Variants in RPS6KA4 observed in about 807,000 individuals in gnomAD.
RPS6KA4 encodes ribosomal protein S6 kinase alpha-4.
In RPS6KA4, 38 loss-of-function variants were observed where a neutral mutation model predicts 89.6. The observed-to-expected ratio is 0.42, with a 90% confidence interval of 0.33 to 0.56. The LOEUF is 0.56. Among genes scored for constraint, RPS6KA4 ranks in the 20% least tolerant of loss-of-function variants. RPS6KA4 has a pLI of 0.07. For synonymous variants in RPS6KA4, 495 were observed against 492.8 expected (o/e 1.00, Z -0.06); for missense variants, 873 against 1,098.8 (o/e 0.79, Z 2.90).
intron 9 of RPS6KA4, among the ~76,000 whole-genome samples, chr11:64,366,044 A>C (rs72926006): frequency 0.29 from 44,665 of 151,666 alleles, 7,762 homozygotes; most frequent in Non-Finnish European, 0.38. Flanking sequence ...GTCTCAAAAA[A>C]AAAAAAAAAG....
At chr11:64,360,689 CTT>C in intron 4 of RPS6KA4, 97 bp downstream of exon 4, 2 of 1,058,534 alleles carry the variant, frequency 1.9e-6, no homozygotes, top group South Asian at 1.5e-5. Flanking sequence ...TCCCCCTGGG[CTT>C]CCTGGGGGGC....
At position 64,361,306 on chromosome 11, in the gene RPS6KA4, C is replaced by T; in HGVS notation, c.570+65C>T. ...TCCTTCTCCTTCCTGCCTCTTCCTG[C>T]TCTGGGCCTGCATTCTGGGGCTGCA... On this transcript the variant is annotated intron_variant, in intron 5 of 16. Coordinates refer to ENST00000334205, the MANE Select transcript of RPS6KA4 (RefSeq NM_003942.3). The surrounding 1 kb of genome is among the most constrained non-coding windows in gnomAD (Gnocchi z 4.7). The T allele has an allele frequency of 6.6e-7, 1 of 1,509,272 alleles. No individual in the cohort carries two copies. The highest frequency in any genetic ancestry group is 1.1e-5 in the South Asian group (1 of 87,418). The allele number at this position is 1,509,272 out of a possible 1,614,324, so 93.5% of individuals were successfully genotyped here.
rs1231735038 is a variant in RPS6KA4, at chr11:64,369,433, A to C, written c.1429-13A>C. The C allele has an allele frequency of 6.3e-7, 1 of 1,580,110 alleles. No individual in the cohort carries two copies. The highest frequency in any genetic ancestry group is 1.1e-5 in the South Asian group (1 of 88,554). ...GGGTGGGTGTTGACCTTGGCCCGCC[A>C]CGCCGCCCGCAGCTGCACACGTACC... On this transcript the variant is annotated splice_polypyrimidine_tract_variant and intron_variant, in intron 12 of 16. Coordinates refer to ENST00000334205, the MANE Select transcript of RPS6KA4 (RefSeq NM_003942.3).
rs760389975 is a variant in RPS6KA4 at position 64,365,337 on chromosome 11, C to T, written c.943C>T (p.Pro315Ser). The change falls in exon 9 of 17, where the codon CCA becomes TCA. Residue 315 changes from proline (P) to serine (S), a missense_variant. This residue lies in a region of RPS6KA4 where 542 missense variants were observed against 736.4 expected (regional missense o/e 0.74). Transcript: ENST00000334205. ...GGTGGCTCTGGCTGCCAGGAAGATT[C>T]CAGCCCCATTCCGGCCCCAAATCCG... ...DWVALAARKI[P>S]APFRPQIRSE... 1 of 1,614,032 alleles carries T rather than the reference C, an allele frequency of 6.2e-7. No individual in the cohort carries two copies. The highest frequency in any genetic ancestry group is 2.2e-5 in the East Asian group (1 of 44,888).
Position 64,370,661 on chromosome 11 carries a change from C to A in RPS6KA4, c.2056C>A (p.Arg686=). The part of the protein sequence containing the change: ...DGSARSSPPL[R]TPDVLESSGP... ...CAGCGCGCGCTCCTCGCCCCCGCTC[C>A]GGACGCCCGACGTGCTCGAGTCCTC... Residue 686 remains arginine, a synonymous_variant, in exon 16 of 17, where the codon CGG becomes AGG. Transcript: ENST00000334205. The surrounding 1 kb of genome is among the most constrained non-coding windows in gnomAD (Gnocchi z 4.1). 3.8e-6 allele frequency: 6 copies of A among 1,571,618 alleles called. No individual in the cohort carries two copies. The highest frequency in any genetic ancestry group is 5.1e-6 in the Non-Finnish European group (6 of 1,165,396).
chr11:64,368,622 G>A, intron 11 of RPS6KA4, 21 bp downstream of exon 11: 1 of 1,588,584 alleles, frequency 6.3e-7, no homozygotes. Flanking sequence ...CCAGGCGCGG[G>A]CAGGGGTGGG....
At position 64,369,300 on chromosome 11, in the gene RPS6KA4, C is replaced by CAAAGAAAG. The variant is rs59909471; in HGVS notation, c.1429-134_1429-127dup. Reference sequence around the variant, plus strand: ...AGCGAGACTGTCTCCAAAAAAGTAACAAAGAAAGAAAGAAAGAAAAAGGAC... The same window carrying CAAAGAAAG: ...AGCGAGACTGTCTCCAAAAAAGTAACAAAGAAAGAAAGAAAGAAAGAAAGAAAAAGGAC... On this transcript the variant is annotated intron_variant, in intron 12 of 16. Transcript: ENST00000334205. 325 of 748,692 alleles carry CAAAGAAAG rather than the reference C, an allele frequency of 4.3e-4. 2 individuals carry two copies. The highest frequency in any genetic ancestry group is 1.4e-3 in the African/African-American group (74 of 54,294). 46.4% of individuals were successfully genotyped at this position (748,692 alleles called of 1,614,324 possible). A position where few individuals can be genotyped will look rare whatever the true frequency, so the allele number is the denominator to read the frequency against.
rs1565075335 is a variant in RPS6KA4 at position 64,370,750 on chromosome 11, G to A, written c.2121+24G>A. The A allele has an allele frequency of 6.6e-7, 1 of 1,506,662 alleles. No homozygotes were observed. Among genetic ancestry groups the A allele is most frequent in the Non-Finnish European group, 8.9e-7 (1 of 1,127,468 alleles). The allele number at this position is 1,506,662 out of a possible 1,614,324, so 93.3% of individuals were successfully genotyped here. A position where few individuals can be genotyped will look rare whatever the true frequency, so the allele number is the denominator to read the frequency against. ...TGGTAAGGGGCAGGGTCTGTTGAAG[G>A]GAAGGGGTGGGCGAAGCCTCGAGAG... is the stretch of plus-strand genomic sequence containing the variant. On this transcript the variant is annotated intron_variant, in intron 16 of 16. Transcript: ENST00000334205. The surrounding 1 kb of genome is among the most constrained non-coding windows in gnomAD (Gnocchi z 4.1).
In RPS6KA4 at chr11:64,361,235, G is replaced by A. The variant is rs780172527; in HGVS notation, c.564G>A (p.Thr188=). 7 of 1,613,060 alleles carry A rather than the reference G, an allele frequency of 4.3e-6. No individual in the cohort carries two copies. Among genetic ancestry groups the A allele is most frequent in the Non-Finnish European group, 4.2e-6 (5 of 1,179,752 alleles). Residue 188 remains threonine, a synonymous_variant, in exon 5 of 17, where the codon ACG becomes ACA. Transcript: ENST00000334205. This position sits in a 1 kb window ranked among gnomAD's most constrained non-coding sequence, Gnocchi z 4.7. ...TCGGGCTGAGCAAGGAGTTCCTGACGGAGGAGGTGAGTGGAGGCCACCTCT... is the reference window on the plus strand; with the variant it reads ...TCGGGCTGAGCAAGGAGTTCCTGACAGAGGAGGTGAGTGGAGGCCACCTCT... ...TDFGLSKEFL[T]EEKERTFSFC... is the part of the protein sequence containing the mutation.
Position 64,361,871 on chromosome 11 carries a change from C to T in RPS6KA4, c.775C>T (p.Pro259Ser). ...EVSRRILKCS[P>S]PFPPRIGPVA... The stretch of plus-strand genomic sequence containing the variant: ...TCCCAGACGGATCCTGAAGTGCTCC[C>T]CTCCCTTCCCCCCTCGGATCGGGCC... The change falls in exon 8 of 17, where the codon CCT becomes TCT. Residue 259 changes from proline (P) to serine (S), a missense_variant. By Grantham distance (74) the Pro-to-Ser change is moderately conservative (BLOSUM62 -1). Transcript: ENST00000334205. The surrounding 1 kb of genome is among the most constrained non-coding windows in gnomAD (Gnocchi z 4.7). 3.7e-6 allele frequency: 6 copies of T among 1,612,802 alleles called. No homozygotes were observed. Among genetic ancestry groups the T allele is most frequent in the Non-Finnish European group, 5.1e-6 (6 of 1,179,836 alleles).
intron 4 of RPS6KA4, 91 bp downstream of exon 4, chr11:64,360,683 C>A: frequency 9.2e-7 from 1 of 1,090,292 alleles, no homozygotes; most frequent in Non-Finnish European, 1.3e-6. Flanking sequence ...CAGGCTTCCC[C>A]CTGGGCTTCC....
intron 11 of RPS6KA4, 42 bp downstream of exon 11, chr11:64,368,643 C>T (rs747721768): frequency 5.1e-6 from 8 of 1,577,700 alleles, no homozygotes; most frequent in Middle Eastern, 1.8e-4. Context: ...GGTGGCAGAG[C>T]GCTGTCCCGG....
At position 64,361,946 on chromosome 11, in the gene RPS6KA4, C is replaced by A; in HGVS notation, c.850C>A (p.Arg284=). 1 of 1,610,424 alleles carries A rather than the reference C, an allele frequency of 6.2e-7. No homozygotes were observed. Among genetic ancestry groups the A allele is most frequent in the Non-Finnish European group, 8.5e-7 (1 of 1,179,012 alleles). The change falls in exon 8 of 17, where the codon CGA becomes AGA. Residue 284 remains arginine (R), a synonymous_variant. Transcript: ENST00000334205. This position sits in a 1 kb window ranked among gnomAD's most constrained non-coding sequence, Gnocchi z 4.7. ...GCTGCTTTGTAAGGATCCTAAGAAG[C>A]GATTGGGCGCGGGGCCCCAGGGGGC... The part of the protein sequence containing the change: ...QRLLCKDPKK[R]LGAGPQGAQE...
intron 9 of RPS6KA4, among the ~76,000 whole-genome samples, chr11:64,366,261 C>T (rs371969717): frequency 5.3e-5 from 8 of 151,824 alleles, no homozygotes; most frequent in African/African-American, 1.7e-4. Flanking sequence ...ATCTCTGCCT[C>T]ACGGGTTCAA....
In RPS6KA4 at chr11:64,365,376, G is replaced by C. The variant is rs2036853481; in HGVS notation, c.982G>C (p.Val328Leu). ...GCCCCAAATCCGCTCAGAGCTGGAT[G>C]TGGGCAACTTTGCGGAGGAATTCAC... ...FRPQIRSELD[V>L]GNFAEEFTRL... The change falls in exon 9 of 17, where the codon GTG (valine) becomes CTG (leucine). Residue 328 changes from valine (V) to leucine (L), a missense_variant. Val to Leu is a conservative substitution (Grantham distance 32, BLOSUM62 1). Coordinates refer to ENST00000334205, the MANE Select transcript of RPS6KA4 (RefSeq NM_003942.3). 1 of 1,614,016 alleles carries C rather than the reference G, an allele frequency of 6.2e-7. No individual in the cohort carries two copies. The highest frequency in any genetic ancestry group is 8.5e-7 in the Non-Finnish European group (1 of 1,180,024).
At chr11:64,362,138 A>C in intron 8 of RPS6KA4, 136 bp downstream of exon 8, 3 of 1,081,582 alleles carry the variant, frequency 2.8e-6, no homozygotes, top group Non-Finnish European at 3.9e-6. Flanking sequence ...TGTGTCAGCT[A>C]GGTTTCTCTT....
In RPS6KA4 at chr11:64,368,566, C is replaced by A; in HGVS notation, c.1299C>A (p.Ser433Arg). The A allele has an allele frequency of 6.3e-7, 1 of 1,598,568 alleles. No individual in the cohort carries two copies. The highest frequency in any genetic ancestry group is 1.1e-5 in the South Asian group (1 of 88,634). The change falls in exon 11 of 17, where the codon AGC (serine) becomes AGA (arginine). Residue 433 changes from serine (S) to arginine (R), a missense_variant. Around this residue, in one of 4 missense-constraint regions of RPS6KA4, gnomAD observed 542 missense variants for 736.4 expected, o/e 0.74. Coordinates refer to ENST00000334205, the MANE Select transcript of RPS6KA4 (RefSeq NM_003942.3). ...GTCGCCGCTGCCGCCAGCGCCAGAG[C>A]GGCCAGGAGTTCGCAGTCAAGATCC... ...SVCRRCRQRQ[S>R]GQEFAVKILS...
At position 64,371,540 on chromosome 11, in the gene RPS6KA4, C is replaced by T. The variant is rs2037077992; in HGVS notation, c.*60C>T. The T allele has an allele frequency of 7.2e-6, 5 of 694,450 alleles. No homozygotes were observed. The highest frequency in any genetic ancestry group is 3.6e-5 in the South Asian group (2 of 54,888). 43.0% of individuals were successfully genotyped at this position (694,450 alleles called of 1,614,324 possible). ...CTGTGACCTGGGAGCCCGGCTCACTCCCGGAGGCCTCTGCCTGCGGCTGAC... is the reference window on the plus strand; with the variant it reads ...CTGTGACCTGGGAGCCCGGCTCACTTCCGGAGGCCTCTGCCTGCGGCTGAC... On this transcript the variant is annotated 3_prime_UTR_variant, in exon 17 of 17. Transcript: ENST00000334205.
rs1565075361 is a variant in RPS6KA4, at chr11:64,370,777, T to A, written c.2121+51T>A. The A allele has an allele frequency of 4.8e-6, 7 of 1,457,850 alleles. No individual in the cohort carries two copies. The highest frequency in any genetic ancestry group is 6.3e-6 in the Non-Finnish European group (7 of 1,105,736). 90.3% of individuals were successfully genotyped at this position (1,457,850 alleles called of 1,614,324 possible). ...AAGGGGTGGGCGAAGCCTCGAGAGG[T>A]GGGGTCTGGGGAGGCCCGGCCATCG... is the stretch of plus-strand genomic sequence containing the variant. On this transcript the variant is annotated intron_variant, in intron 16 of 16. Transcript: ENST00000334205. The surrounding 1 kb of genome is among the most constrained non-coding windows in gnomAD (Gnocchi z 4.1).
Sources: allele counts gnomAD v4.1 joint callset (sites outside exome capture counted in the v4.1 genomes callset), GRCh38; gene constraint gnomAD v4.1.1; regional missense constraint gnomAD v4.1.1; non-coding constraint Gnocchi (gnomAD v3.1); transcripts MANE v1.5; gene names NCBI Gene and HGNC (gene_info 2026-07-23, HGNC 2026-07-21).